Variants in CCDC138 observed in about 807,000 individuals in gnomAD.
CCDC138 encodes coiled-coil domain containing 138.
In CCDC138, 66 loss-of-function variants were observed where a neutral mutation model predicts 82.3. The ratio of observed to expected loss-of-function variants is 0.80; its 90% CI spans 0.66 to 0.98. The LOEUF is 0.98. Among genes scored for constraint, CCDC138 ranks in the 50% least tolerant of loss-of-function variants. CCDC138 has a pLI of 0.00. For missense variants in CCDC138, 816 were observed against 758.9 expected, an observed-to-expected ratio of 1.08 and a Z score of -0.88; for synonymous variants, 297 against 265.4, an observed-to-expected ratio of 1.12 and a Z score of -1.16.
Position 108,857,699 on chromosome 2 carries a change from A to G in CCDC138, c.1693+729A>G, listed in dbSNP as rs115314194. Among the ~76,000 whole-genome samples the G allele has an allele frequency of 3.1e-3, 468 of 152,340 alleles. 2 individuals are homozygous for G. The highest frequency in any genetic ancestry group is 0.011 in the African/African-American group (445 of 41,584). On this transcript the variant is annotated intron_variant, in intron 13 of 14. Coordinates refer to ENST00000295124, the MANE Select transcript of CCDC138 (RefSeq NM_144978.3). ...TAGATTAGTAATCTTGGAGTTGTGT[A>G]TTTCAGTTTACTAATGTAAGGAGTA...
At position 108,794,621 on chromosome 2, in the gene CCDC138, TCAG is replaced by T. The variant is rs761561031; in HGVS notation, c.478_480del (p.Ser160del). Reference sequence around the variant, plus strand: ...GCAGGTGACTCTCCTTTGAAACCTGTCAGCTGTCCAAAATCTAAAGCATCAGAC... The same window carrying T: ...GCAGGTGACTCTCCTTTGAAACCTGTCTGTCCAAAATCTAAAGCATCAGAC... On this transcript the variant is annotated inframe_deletion, in exon 5 of 15. Coordinates refer to ENST00000295124, the MANE Select transcript of CCDC138 (RefSeq NM_144978.3). 7.4e-6 allele frequency: 12 copies of T among 1,614,108 alleles called. No individual in the cohort carries two copies. In the Admixed American group the frequency reaches 8.3e-5, roughly 11 times the overall value.
intron 13 of CCDC138, among the ~76,000 whole-genome samples, chr2:108,864,736 G>A (rs1419869998): frequency 1.3e-5 from 2 of 150,926 alleles, no homozygotes; most frequent in Admixed American, 6.6e-5. Flanking sequence ...GGAGGTTGCA[G>A]TGAGTTGAGA....
At position 108,874,236 on chromosome 2, in the gene CCDC138, G is replaced by A. The variant is rs537576981; in HGVS notation, c.1832+647G>A. Among the ~76,000 whole-genome samples the A allele has an allele frequency of 3.3e-5, 5 of 152,204 alleles. No homozygotes were observed. In the South Asian group the frequency reaches 1.0e-3, roughly 32 times the overall value. Reference sequence around the variant, plus strand: ...AATTTAGGGAATGAGAATGAAGCAAGCAGAAGAGATTTGAAATTACTTTGG... The same window carrying A: ...AATTTAGGGAATGAGAATGAAGCAAACAGAAGAGATTTGAAATTACTTTGG... On this transcript the variant is annotated intron_variant, in intron 14 of 14. Coordinates refer to ENST00000295124, the MANE Select transcript of CCDC138 (RefSeq NM_144978.3).
rs1558657409 is a variant in CCDC138 at position 108,812,840 on chromosome 2, A to T, written c.954A>T (p.Thr318=). The part of the protein sequence containing the change: ...DNLQRKYEFM[T]IQRLKGSSHA... ...TGCAGAGGAAGTACGAGTTTATGAC[A>T]ATACAGAGATTGAAAGGAAGTTCCC... The change falls in exon 9 of 15, where the codon ACA becomes ACT. Residue 318 remains threonine, a synonymous_variant. Coordinates refer to ENST00000295124, the MANE Select transcript of CCDC138 (RefSeq NM_144978.3). 1.2e-6 allele frequency: 2 copies of T among 1,613,284 alleles called. No individual in the cohort carries two copies. The highest frequency in any genetic ancestry group is 1.7e-6 in the Non-Finnish European group (2 of 1,179,322).
rs368060937 is a variant in CCDC138, at chr2:108,876,143, C to T, written c.1888C>T (p.Gln630Ter). The T allele has an allele frequency of 4.3e-6, 7 of 1,609,420 alleles. No homozygotes were observed. The African/African-American group carries it at 9.4e-5, about 22-fold the overall frequency. Residue 630 changes from glutamine (Q) to a stop codon, truncating the protein, a stop_gained, in exon 15 of 15, where the codon CAA becomes TAA. Transcript: ENST00000295124. LOFTEE classifies it high-confidence loss of function. ...FTIHLMLQEI[Q>*]RTTNPEHAFL... is the part of the protein sequence containing the mutation. ...GATTCATCTGATGCTTCAAGAAATACAAAGGACAACAAACCCAGAGCATGC... is the reference window on the plus strand; with the variant it reads ...GATTCATCTGATGCTTCAAGAAATATAAAGGACAACAAACCCAGAGCATGC...
At chr2:108,793,270 T>G (rs1680241607) in intron 4 of CCDC138, among the ~76,000 whole-genome samples, 1 of 151,278 alleles carries the variant, frequency 6.6e-6, no homozygotes, top group Non-Finnish European at 1.5e-5. Flanking sequence ...GAGGCGGAGC[T>G]TACAGTGAGC....
chr2:108,799,620 AGTTT>A (rs1283113529), intron 6 of CCDC138, among the ~76,000 whole-genome samples: 4 of 151,972 alleles, frequency 2.6e-5, no homozygotes, highest in African/African-American at 9.7e-5. Context: ...CTTTTCTTTC[AGTTT>A]GTTCTGTTTG....
chr2:108,831,992 C>T (rs552474421), intron 10 of CCDC138, among the ~76,000 whole-genome samples: 3 of 152,114 alleles, frequency 2.0e-5, no homozygotes, highest in East Asian at 1.9e-4. Context: ...CTCGGCCTCC[C>T]GAAGTGCTGG....
chr2:108,806,203 T>C (rs1020036555), intron 7 of CCDC138, among the ~76,000 whole-genome samples: 4 of 152,204 alleles, frequency 2.6e-5, no homozygotes, highest in African/African-American at 7.2e-5. Context: ...TGTTGTCTGT[T>C]TGGAATCCCA....
intron 10 of CCDC138, among the ~76,000 whole-genome samples, chr2:108,833,715 T>C (rs1688081066): frequency 1.4e-5 from 2 of 144,256 alleles, no homozygotes; most frequent in Admixed American, 1.5e-4. Context: ...CAAAATTTAA[T>C]GTGGAGTAAA....
intron 13 of CCDC138, among the ~76,000 whole-genome samples, chr2:108,858,478 G>T (rs1008268224): frequency 6.6e-6 from 1 of 152,150 alleles, no homozygotes; most frequent in Admixed American, 6.5e-5. Context: ...TGGAAGTTTG[G>T]AAATGGGTGA....
intron 13 of CCDC138, among the ~76,000 whole-genome samples, chr2:108,860,617 T>C (rs1201071431): frequency 6.6e-6 from 1 of 152,058 alleles, no homozygotes; most frequent in Non-Finnish European, 1.5e-5. Flanking sequence ...CTGATTTGCG[T>C]ATATTGAATC....
intron 13 of CCDC138, among the ~76,000 whole-genome samples, chr2:108,869,456 G>A (rs780430615): frequency 7.9e-5 from 12 of 152,130 alleles, no homozygotes; most frequent in East Asian, 3.9e-4. Flanking sequence ...GACTTGCCTC[G>A]TTCAGGGCAC....
At chr2:108,881,903 G>T (rs1696301663) in intron 1 of CCDC138, among the ~76,000 whole-genome samples, 1 of 152,136 alleles carries the variant, frequency 6.6e-6, no homozygotes, top group Non-Finnish European at 1.5e-5. Flanking sequence ...CAGCACTTTG[G>T]GAAGCTGAGG....
Position 108,843,876 on chromosome 2 carries a change from G to GTGTGTGTGTGTGTGTGTGTT in CCDC138, c.1324-2859_1324-2858insGTGTGTGTGTGTGTGTTTGT, listed in dbSNP as rs1187530203. Among the ~76,000 whole-genome samples the GTGTGTGTGTGTGTGTGTGTT allele has an allele frequency of 8.2e-3, 114 of 13,838 alleles. 1 individual carries two copies. Among genetic ancestry groups the GTGTGTGTGTGTGTGTGTGTT allele is most frequent in the African/African-American group, 0.01 (105 of 10,342 alleles). 9.1% of individuals were successfully genotyped at this position (13,838 alleles called of 152,430 possible). A position where few individuals can be genotyped will look rare whatever the true frequency, so the allele number is the denominator to read the frequency against. ...TGTGTGTGTGTGTGTGTGTGTGTGTGTGTTTCTTTCTTTTTTTTTTTTTTT... is the reference window on the plus strand; with the variant it reads ...TGTGTGTGTGTGTGTGTGTGTGTGTGTGTGTGTGTGTGTGTGTGTTTGTTTCTTTCTTTTTTTTTTTTTTT... On this transcript the variant is annotated intron_variant, in intron 11 of 14. Transcript: ENST00000295124.
intron 2 of CCDC138, chr2:108,884,703 T>C (rs1040499262): frequency 1.3e-5 from 2 of 152,142 alleles, no homozygotes; most frequent in African/African-American, 4.8e-5. Flanking sequence ...CTTTTCGAGA[T>C]TGTGTCCTCC....
At chr2:108,822,315 C>T (rs910418188) in intron 10 of CCDC138, among the ~76,000 whole-genome samples, 3 of 152,004 alleles carry the variant, frequency 2.0e-5, no homozygotes, top group African/African-American at 7.2e-5. Flanking sequence ...ATAAAGCAAA[C>T]ATTGACAGAA....
chr2:108,854,074 TA>T (rs560944335), intron 12 of CCDC138, among the ~76,000 whole-genome samples: 1,556 of 126,482 alleles, frequency 0.012, 37 homozygotes, highest in African/African-American at 0.046. Context: ...ATTTTATATA[TA>T]ATATAATAAA....
intron 13 of CCDC138, among the ~76,000 whole-genome samples, chr2:108,870,617 G>A (rs1695080104): frequency 6.6e-6 from 1 of 152,130 alleles, no homozygotes; most frequent in Non-Finnish European, 1.5e-5. Flanking sequence ...AAGTAAATGT[G>A]GTATGTACAT....
Sources: gnomAD v4.1 joint callset for allele counts (sites outside exome capture counted in the v4.1 genomes callset) on GRCh38, gnomAD v4.1.1 for gene constraint, MANE v1.5 for transcripts, NCBI Gene and HGNC (gene_info 2026-07-23, HGNC 2026-07-21) for gene names.